Variants in IMMP1L observed in about 807,000 individuals in gnomAD.
IMMP1L encodes the protein mitochondrial inner membrane protease subunit 1.
In IMMP1L, 24 loss-of-function variants were observed where a neutral mutation model predicts 21.8. The ratio of observed to expected loss-of-function variants is 1.10; its 90% CI spans 0.80 to 1.55. The LOEUF is 1.55. Ranked by LOEUF, IMMP1L falls within the 40% of genes most tolerant of loss-of-function variation. The probability of loss-of-function intolerance (pLI) is 0.00; values close to 1 mark genes in which losing one functional copy is unlikely to be tolerated. For missense variants in IMMP1L, 195 were observed against 200.7 expected (o/e 0.97, Z 0.17); for synonymous variants, 46 against 62.8 (o/e 0.73, Z 1.26).
At chr11:31,440,199 TG>T (rs1374486278) in intron 4 of IMMP1L, among the ~76,000 whole-genome samples, 4 of 152,134 alleles carry the variant, frequency 2.6e-5, no homozygotes, top group Non-Finnish European at 5.9e-5. Context: ...AGACAGAAGT[TG>T]GGGCAAGTAC....
At chr11:31,432,649 CT>C in intron 5 of IMMP1L, 81 bp from the exon 6 acceptor site, 1 of 930,026 alleles carries the variant, frequency 1.1e-6, no homozygotes, top group Non-Finnish European at 1.8e-6. Flanking sequence ...CTATCTGTCC[CT>C]TTTCTCTATG....
intron 2 of IMMP1L, among the ~76,000 whole-genome samples, chr11:31,462,141 G>A (rs756386821): frequency 3.3e-5 from 5 of 151,672 alleles, no homozygotes; most frequent in African/African-American, 7.3e-5. Flanking sequence ...ATGGTGAAAC[G>A]CCATCTCTAC....
At chr11:31,488,032 T>C (rs1955140115) in intron 1 of IMMP1L, among the ~76,000 whole-genome samples, 1 of 152,104 alleles carries the variant, frequency 6.6e-6, no homozygotes, top group African/African-American at 2.4e-5. Flanking sequence ...TTTACAAAAT[T>C]ACATTGTGTC....
In IMMP1L at chr11:31,475,708, TAA is replaced by T. The variant is rs200615135; in HGVS notation, c.-29-12405_-29-12404del. Reference sequence around the variant, plus strand: ...AGCTTAAGATAAGCCAAATTTCTTATAAGTTATCAACAGATATTAAAATTCAA... The same window carrying T: ...AGCTTAAGATAAGCCAAATTTCTTATGTTATCAACAGATATTAAAATTCAA... On this transcript the variant is annotated intron_variant, in intron 1 of 5. Transcript: ENST00000532287. Among the ~76,000 whole-genome samples, 1,001 of 152,338 alleles carry T rather than the reference TAA, an allele frequency of 6.6e-3. 32 individuals are homozygous for T. The highest frequency in any genetic ancestry group is 0.062 in the Admixed American group (943 of 15,306).
At chr11:31,472,410 T>C (rs1342872828) in intron 1 of IMMP1L, among the ~76,000 whole-genome samples, 1 of 152,218 alleles carries the variant, frequency 6.6e-6, no homozygotes, top group Non-Finnish European at 1.5e-5. Context: ...TTTTAACAAG[T>C]TCTCCAAGTG....
Position 31,509,618 on chromosome 11 carries a change from T to G in IMMP1L, c.-129A>C, listed in dbSNP as rs1008293908. On this transcript the variant is annotated 5_prime_UTR_variant, in exon 1 of 6. Transcript: ENST00000532287. ...TCGACCGTCCTTTCGTAGGGCGCAC[T>G]TTTCAGCAATACGCCTTCCGATTGG... 9.8e-6 allele frequency: 7 copies of G among 714,080 alleles called. No individual in the cohort carries two copies. Among genetic ancestry groups the G allele is most frequent in the African/African-American group, 7.1e-5 (4 of 56,202 alleles). 44.2% of individuals were successfully genotyped at this position (714,080 alleles called of 1,614,324 possible). A position where few individuals can be genotyped will look rare whatever the true frequency, so the allele number is the denominator to read the frequency against.
intron 1 of IMMP1L, among the ~76,000 whole-genome samples, chr11:31,473,143 G>A (rs569018383): frequency 4.0e-5 from 6 of 151,842 alleles, no homozygotes; most frequent in South Asian, 2.1e-4. Flanking sequence ...TCCGCCTCCC[G>A]GGTTCACGCC....
At chr11:31,448,154 C>A (rs956511841) in intron 4 of IMMP1L, among the ~76,000 whole-genome samples, 1 of 152,002 alleles carries the variant, frequency 6.6e-6, no homozygotes, top group Non-Finnish European at 1.5e-5. Flanking sequence ...ACTAAAAATA[C>A]AAAAATTAGC....
intron 1 of IMMP1L, among the ~76,000 whole-genome samples, chr11:31,500,035 A>G (rs1203141127): frequency 1.3e-5 from 2 of 152,136 alleles, no homozygotes; most frequent in Non-Finnish European, 2.9e-5. Context: ...TTGGAGAGCT[A>G]GGTTAGGGGC....
chr11:31,450,770 G>A (rs934313733), intron 4 of IMMP1L, among the ~76,000 whole-genome samples: 1 of 152,100 alleles, frequency 6.6e-6, no homozygotes, highest in African/African-American at 2.4e-5. Context: ...CAAGTTTGCA[G>A]TAGAAACTAG....
chr11:31,468,327 C>G (rs1291278575), intron 1 of IMMP1L, among the ~76,000 whole-genome samples: 1 of 152,104 alleles, frequency 6.6e-6, no homozygotes, highest in Non-Finnish European at 1.5e-5. Flanking sequence ...ACTGCAACTT[C>G]CTTTCATATG....
At chr11:31,433,774 A>T (rs1331949872) in intron 4 of IMMP1L, 1 of 409,694 alleles carries the variant, frequency 2.4e-6, no homozygotes, top group African/African-American at 2.1e-5. Flanking sequence ...TTTTTTAAAA[A>T]CCTATCATCT....
chr11:31,462,333 A>C (rs1351689814), intron 2 of IMMP1L, among the ~76,000 whole-genome samples: 1 of 143,346 alleles, frequency 7.0e-6, no homozygotes, highest in Non-Finnish European at 1.5e-5. Context: ...AAAAAAAAAG[A>C]AGGGAAATTT....
At chr11:31,463,521 T>A (rs190213281) in intron 1 of IMMP1L, among the ~76,000 whole-genome samples, 1 of 152,182 alleles carries the variant, frequency 6.6e-6, no homozygotes, top group Non-Finnish European at 1.5e-5. Context: ...TATTCAAATG[T>A]CACTGGGTCT....
chr11:31,441,792 G>GT (rs891959830), intron 4 of IMMP1L, among the ~76,000 whole-genome samples: 3 of 151,672 alleles, frequency 2.0e-5, no homozygotes, highest in African/African-American at 7.3e-5. Flanking sequence ...AATAAAATGT[G>GT]TTTTTTTAAA....
intron 1 of IMMP1L, among the ~76,000 whole-genome samples, chr11:31,469,062 A>T (rs1954457716): frequency 6.6e-6 from 1 of 152,192 alleles, no homozygotes; most frequent in Non-Finnish European, 1.5e-5. Context: ...AAATATTCAT[A>T]AGCACCTTTT....
intron 2 of IMMP1L, among the ~76,000 whole-genome samples, chr11:31,462,355 A>G (rs1035271063): frequency 4.6e-5 from 7 of 151,516 alleles, no homozygotes; most frequent in African/African-American, 1.5e-4. Flanking sequence ...AGTTAAATAT[A>G]TATATTTCCA....
At chr11:31,453,882 G>C (rs1373517016) in intron 4 of IMMP1L, among the ~76,000 whole-genome samples, 1 of 152,052 alleles carries the variant, frequency 6.6e-6, no homozygotes, top group Non-Finnish European at 1.5e-5. Flanking sequence ...ATAGGCAAAG[G>C]GTATTCTGAA....
chr11:31,443,269 G>A (rs1953401773), intron 4 of IMMP1L, among the ~76,000 whole-genome samples: 1 of 152,088 alleles, frequency 6.6e-6, no homozygotes, highest in Admixed American at 6.5e-5. Context: ...TCATGTAACA[G>A]CAAAATTGGA....
Sources: allele counts gnomAD v4.1 joint callset (sites outside exome capture counted in the v4.1 genomes callset), GRCh38; gene constraint gnomAD v4.1.1; transcripts MANE v1.5; gene names NCBI Gene and HGNC (gene_info 2026-07-23, HGNC 2026-07-21).